RHOT1: variants seen among roughly 807,000 people sequenced by gnomAD.
The protein encoded by RHOT1 is ras homolog family member T1.
Under a neutral mutation model 95.3 loss-of-function variants are expected in RHOT1, and 27 were observed. The ratio of observed to expected loss-of-function variants is 0.28; its 90% CI spans 0.21 to 0.39. The LOEUF (loss-of-function observed/expected upper bound fraction) is 0.39, where lower values mean the gene tolerates loss of function less well. Ranked by LOEUF, RHOT1 falls within the 10% of genes least tolerant of loss-of-function variation. The pLI is 1.00. For synonymous variants in RHOT1, 227 were observed against 263.5 expected, an observed-to-expected ratio of 0.86 and a Z score of 1.34; for missense variants, 578 against 786.7, an observed-to-expected ratio of 0.73 and a Z score of 3.17.
intron 19 of RHOT1, among the ~76,000 whole-genome samples, chr17:32,222,533 G>T (rs1598484333): frequency 6.6e-6 from 1 of 151,370 alleles, no homozygotes; most frequent in African/African-American, 2.4e-5. Context: ...GTCTGGAGTG[G>T]GTGTGTGTGT....
rs1203151720 is a variant in RHOT1 at position 32,217,856 on chromosome 17, T to TTTTA, written c.1862+6638_1862+6641dup. Among the ~76,000 whole-genome samples, 148 of 151,306 alleles carry TTTTA rather than the reference T, an allele frequency of 9.8e-4. 7 individuals are homozygous for TTTTA. The highest frequency in any genetic ancestry group is 2.2e-4 in the Non-Finnish European group (15 of 67,860). ...ACTTTTTTTAATTTTTAATATTTTA[T>TTTTA]TTTATTTATTTATTTATTTATTTTG... is the stretch of plus-strand genomic sequence containing the variant. On this transcript the variant is annotated intron_variant, in intron 19 of 19. Coordinates refer to ENST00000545287, the MANE Select transcript of RHOT1 (RefSeq NM_001033566.3).
chr17:32,173,136 C>T (rs560780245), intron 2 of RHOT1: 1 of 152,186 alleles, frequency 6.6e-6, no homozygotes, highest in East Asian at 1.9e-4. Context: ...ATGTTTTTAT[C>T]CTATAGTTTT....
chr17:32,173,858 A>G lies in RHOT1; in HGVS notation c.124A>G (p.Ile42Val), dbSNP rs1461431711. ...EVPPRAEEIT[I>V]PADVTPERVP... is the part of the protein sequence containing the mutation. ...TCCTCCCCGGGCAGAAGAAATCACC[A>G]TTCCAGCTGATGTCACCCCAGAGAG... Residue 42 changes from isoleucine to valine, a missense_variant, in exon 3 of 20, where the codon ATT becomes GTT. Physicochemically the swap from Ile to Val is conservative, Grantham distance 29. This residue lies in a region of RHOT1 where 51 missense variants were observed against 114.7 expected (regional missense o/e 0.44). Transcript: ENST00000545287. 1.2e-6 allele frequency: 2 copies of G among 1,611,474 alleles called. No individual in the cohort carries two copies. The highest frequency in any genetic ancestry group is 2.2e-5 in the South Asian group (2 of 90,818).
intron 16 of RHOT1, among the ~76,000 whole-genome samples, chr17:32,204,848 T>TG (rs1272045097): frequency 6.6e-6 from 1 of 151,838 alleles, no homozygotes; most frequent in African/African-American, 2.4e-5. Context: ...CTGGGCGTGG[T>TG]GGCACGTGCC....
At chr17:32,183,332 A>G in intron 8 of RHOT1, 60 bp downstream of exon 8, 1 of 913,982 alleles carries the variant, frequency 1.1e-6, no homozygotes, top group South Asian at 3.5e-5. Flanking sequence ...TATGGTAGTG[A>G]TTTTTAGTAA....
chr17:32,145,558 C>G (rs1465362487), intron 1 of RHOT1, among the ~76,000 whole-genome samples: 2 of 152,162 alleles, frequency 1.3e-5, no homozygotes, highest in African/African-American at 4.8e-5. Flanking sequence ...CTCCCTTAAC[C>G]AGTCTTTCTG....
At chr17:32,149,631 A>ATG (rs1417047494) in intron 1 of RHOT1, among the ~76,000 whole-genome samples, 93 of 88,114 alleles carry the variant, frequency 1.1e-3, no homozygotes, top group Middle Eastern at 5.6e-3. Context: ...ATATATATAT[A>ATG]TATATGTGTG....
intron 1 of RHOT1, among the ~76,000 whole-genome samples, chr17:32,157,087 ATTAAATAT>A (rs1369641837): frequency 1.3e-5 from 2 of 152,142 alleles, no homozygotes; most frequent in African/African-American, 4.8e-5. Context: ...TTCTTTTTTG[ATTAAATAT>A]TTATGTAAAA....
intron 16 of RHOT1, among the ~76,000 whole-genome samples, chr17:32,205,351 ATTCT>A (rs1175776653): frequency 1.3e-5 from 2 of 152,142 alleles, no homozygotes; most frequent in Non-Finnish European, 2.9e-5. Context: ...ACATGAACTC[ATTCT>A]TTATTTATGG....
At chr17:32,172,164 G>C (rs1373994655) in intron 2 of RHOT1, among the ~76,000 whole-genome samples, 2 of 152,132 alleles carry the variant, frequency 1.3e-5, no homozygotes, top group Admixed American at 6.6e-5. Flanking sequence ...ATAGGAATTT[G>C]ATGTATCATG....
At chr17:32,143,545 A>C (rs1598256808) in intron 1 of RHOT1, among the ~76,000 whole-genome samples, 1 of 152,326 alleles carries the variant, frequency 6.6e-6, no homozygotes, top group Middle Eastern at 3.4e-3. Flanking sequence ...TAACTTATTA[A>C]TAACCACAGG....
At chr17:32,219,624 G>A (rs1225577588) in intron 19 of RHOT1, among the ~76,000 whole-genome samples, 1 of 152,052 alleles carries the variant, frequency 6.6e-6, no homozygotes, top group East Asian at 1.9e-4. Flanking sequence ...TCTTCTCTCT[G>A]CATTATTAAG....
At position 32,182,770 on chromosome 17, in the gene RHOT1, T is replaced by C; in HGVS notation, c.343T>C (p.Leu115=). 6.3e-7 allele frequency: 1 copy of C among 1,593,748 alleles called. No individual in the cohort carries two copies. The highest frequency in any genetic ancestry group is 8.6e-7 in the Non-Finnish European group (1 of 1,167,954). ...TDKDSRLPLI[L]VGNKSDLVEY... is the part of the protein sequence containing the mutation. The stretch of plus-strand genomic sequence containing the variant: ...TGTTTATTTTAGGCTGCCTTTAATA[T>C]TGGTTGGGAACAAATCTGATCTGGT... Residue 115 remains leucine (L), a synonymous_variant, in exon 7 of 20, where the codon TTG becomes CTG. Transcript: ENST00000545287.
At position 32,176,169 on chromosome 17, in the gene RHOT1, T is replaced by G; in HGVS notation, c.285T>G (p.Ser95Arg). ...GTTAATTTTCATTTTAGGTAACAAG[T>G]CGATGGATTCCTCTCATAAATGAAA... The part of the protein sequence containing the change: ...NNKHSIDKVT[S>R]RWIPLINERT... The change falls in exon 6 of 20, where the codon AGT (serine) becomes AGG (arginine). Residue 95 changes from serine to arginine, a missense_variant. By Grantham distance (110) the Ser-to-Arg change is moderately radical. Coordinates refer to ENST00000545287, the MANE Select transcript of RHOT1 (RefSeq NM_001033566.3). 6.2e-7 allele frequency: 1 copy of G among 1,611,842 alleles called. No individual in the cohort carries two copies. The highest frequency in any genetic ancestry group is 8.5e-7 in the Non-Finnish European group (1 of 1,179,340).
At position 32,208,109 on chromosome 17, in the gene RHOT1, A is replaced by T. The variant is rs2037880137; in HGVS notation, c.1539A>T (p.Gln513His). ...SFEYCARIFK[Q>H]HFMDSRIPCL... ...TGATTTCATTTTTTATTCCATAGCAACACTTTATGGACAGCAGAATACCTT... is the reference window on the plus strand; with the variant it reads ...TGATTTCATTTTTTATTCCATAGCATCACTTTATGGACAGCAGAATACCTT... Residue 513 changes from glutamine to histidine, a missense_variant and splice_region_variant, in exon 18 of 20, where the codon CAA (glutamine) becomes CAT (histidine). Physicochemically the swap from Gln to His is conservative, Grantham distance 24 (BLOSUM62 0). Around this residue, in one of 4 missense-constraint regions of RHOT1, gnomAD observed 296 missense variants for 338.5 expected, o/e 0.87. Transcript: ENST00000545287. 4 of 1,612,840 alleles carry T rather than the reference A, an allele frequency of 2.5e-6. No individual in the cohort carries two copies.
chr17:32,191,811 G>A lies in RHOT1; in HGVS notation c.541-390G>A, dbSNP rs114918952. On this transcript the variant is annotated intron_variant, in intron 8 of 19. Transcript: ENST00000545287. ...CTCATTCTGCTACCAGAAGTCTGAT[G>A]ATCAGAAATCAGAAGTTGAGGGGAA... Among the ~76,000 whole-genome samples, 1,003 of 151,922 alleles carry A rather than the reference G, an allele frequency of 6.6e-3. 19 individuals carry two copies. Among genetic ancestry groups the A allele is most frequent in the African/African-American group, 0.023 (943 of 41,196 alleles).
intron 1 of RHOT1, chr17:32,151,462 GAA>G (rs2032277838): frequency 1.1e-5 from 7 of 628,510 alleles, no homozygotes; most frequent in Middle Eastern, 5.1e-4. Flanking sequence ...TCCTGTTGAT[GAA>G]AGAGTCTAGC....
intron 19 of RHOT1, among the ~76,000 whole-genome samples, chr17:32,213,383 C>T (rs966923300): frequency 1.8e-4 from 27 of 151,808 alleles, no homozygotes; most frequent in African/African-American, 6.1e-4. Context: ...TGTTGAATAC[C>T]CAGAGGTTGG....
At position 32,199,553 on chromosome 17, in the gene RHOT1, G is replaced by A. The variant is rs73268518; in HGVS notation, c.1100+3G>A. On this transcript the variant is annotated splice_donor_region_variant and intron_variant, in intron 13 of 19. Coordinates refer to ENST00000545287, the MANE Select transcript of RHOT1 (RefSeq NM_001033566.3). ...CAGGGATTCCTTTCCCAGTGGACGT[G>A]AGTATAGAGCTCACCTCTTTCCTCT... 3,355 of 1,605,374 alleles carry A rather than the reference G, an allele frequency of 2.1e-3. 66 individuals carry two copies. The African/African-American group carries it at 0.039, about 19-fold the overall frequency.
Sources: allele counts gnomAD v4.1 joint callset (sites outside exome capture counted in the v4.1 genomes callset), GRCh38; gene constraint gnomAD v4.1.1; regional missense constraint gnomAD v4.1.1; transcripts MANE v1.5; gene names NCBI Gene and HGNC (gene_info 2026-07-23, HGNC 2026-07-21).